Variants in RNF128 observed in about 807,000 individuals in gnomAD.
RNF128 encodes E3 ubiquitin-protein ligase RNF128.
A neutral mutation model predicts 26.2 loss-of-function variants in RNF128; 13 were observed. That is an observed-to-expected ratio of 0.50 (90% CI 0.32 to 0.79). RNF128 has a LOEUF of 0.79. Ranked by LOEUF, RNF128 falls within the 30% of genes least tolerant of loss-of-function variation. The pLI, the probability that RNF128 is intolerant of heterozygous loss-of-function variation, is 0.03. For synonymous variants in RNF128, 149 were observed against 142.5 expected, an observed-to-expected ratio of 1.05 and a Z score of -0.32; for missense variants, 315 against 349.7, an observed-to-expected ratio of 0.90 and a Z score of 0.79.
At chrX:106,761,530 A>C (rs112952199) in intron 1 of RNF128, among the ~76,000 whole-genome samples, 4,769 of 111,182 alleles carry the variant, frequency 0.043, 294 homozygotes, top group African/African-American at 0.15. Context: ...AATCCACCTA[A>C]ATGCCCATCA....
chrX:106,745,470 G>T (rs1188319362), intron 1 of RNF128, among the ~76,000 whole-genome samples: 1 of 111,622 alleles, frequency 9.0e-6, no homozygotes, highest in African/African-American at 3.2e-5. Flanking sequence ...CATTTGTGTG[G>T]CTATAAAGAA....
At chrX:106,724,125 G>C (rs1602368153), upstream of RNF128, among the ~76,000 whole-genome samples, 1 of 111,115 alleles carries the variant, frequency 9.0e-6, no homozygotes, top group African/African-American at 3.3e-5. Context: ...CCCTCCTCCT[G>C]TATTCCCTGA....
chrX:106,773,267 CAT>C (rs1010536809), intron 2 of RNF128, 107 bp downstream of exon 2: 6 of 775,724 alleles, frequency 7.7e-6, no homozygotes, highest in Non-Finnish European at 1.1e-5. Flanking sequence ...ATGATCTCCC[CAT>C]ATGTTTTACA....
At chrX:106,760,767 A>G (rs1479787802) in intron 1 of RNF128, among the ~76,000 whole-genome samples, 3 of 111,667 alleles carry the variant, frequency 2.7e-5, no homozygotes, top group African/African-American at 6.5e-5. Context: ...ATGAATGGAT[A>G]TAGAAAAAGT....
In RNF128 at chrX:106,765,836, T is replaced by C. The variant is rs956272368; in HGVS notation, c.485-7077T>C. Among the ~76,000 whole-genome samples, 30 of 110,763 alleles carry C rather than the reference T, an allele frequency of 2.7e-4. No homozygotes were observed. In the East Asian group the frequency reaches 3.4e-3, roughly 13 times the overall value. On this transcript the variant is annotated intron_variant, in intron 1 of 6. Transcript: ENST00000255499. The stretch of plus-strand genomic sequence containing the variant: ...CACCCATTAACTAACTCGTCATTTA[T>C]ATTAGGTTTATCTCCTAATGCTATC...
intron 1 of RNF128, among the ~76,000 whole-genome samples, chrX:106,709,230 A>C (rs866544511): frequency 1.4e-4 from 16 of 111,649 alleles, no homozygotes; most frequent in Middle Eastern, 4.2e-3. Context: ...GACAATGAAA[A>C]AAGTTATATC....
intron 1 of RNF128, among the ~76,000 whole-genome samples, chrX:106,709,438 C>A (rs769274092): frequency 6.2e-5 from 7 of 112,057 alleles, no homozygotes; most frequent in Non-Finnish European, 1.3e-4. Flanking sequence ...CTACTTTAGG[C>A]TTTCATTTCA....
At chrX:106,701,990 T>C (rs1928965536) in intron 1 of RNF128, among the ~76,000 whole-genome samples, 1 of 110,952 alleles carries the variant, frequency 9.0e-6, no homozygotes, top group Non-Finnish European at 1.9e-5. Context: ...TCAGCTATGC[T>C]TGGAATTCAT....
chrX:106,768,223 G>A (rs938120131), intron 1 of RNF128, among the ~76,000 whole-genome samples: 3 of 111,680 alleles, frequency 2.7e-5, no homozygotes, highest in Non-Finnish European at 5.6e-5. Context: ...GATGATGCTG[G>A]CCTCATAAAA....
rs1422170842 is a variant in RNF128 at position 106,790,985 on chromosome X, C to G, written c.985-81C>G. The G allele has an allele frequency of 1.4e-5, 13 of 899,330 alleles. No individual in the cohort carries two copies. The East Asian group carries it at 2.5e-4, about 17-fold the overall frequency. 74.1% of individuals were successfully genotyped at this position (899,330 alleles called of 1,213,427 possible). On this transcript the variant is annotated intron_variant, in intron 5 of 6. Coordinates refer to ENST00000255499, the MANE Select transcript of RNF128 (RefSeq NM_194463.2). ...AAGAAATATTGCTCCAATGAGTCAC[C>G]TATAAAGAAACTTTGAAGTGATATG...
intron 1 of RNF128, among the ~76,000 whole-genome samples, chrX:106,700,022 TATTTA>T (rs1156453635): frequency 9.6e-6 from 1 of 104,047 alleles, no homozygotes; most frequent in Admixed American, 9.9e-5. Flanking sequence ...TAAATTTATT[TATTTA>T]ATTTTTTTTT....
chrX:106,713,083 G>A (rs1929156451), intron 1 of RNF128, among the ~76,000 whole-genome samples: 2 of 107,973 alleles, frequency 1.9e-5, no homozygotes, highest in Non-Finnish European at 3.8e-5. Context: ...ATTTCACCAT[G>A]TTGGCCAGGC....
At chrX:106,782,970 G>T (rs1285014208) in intron 2 of RNF128, among the ~76,000 whole-genome samples, 1 of 111,905 alleles carries the variant, frequency 8.9e-6, no homozygotes, top group Non-Finnish European at 1.9e-5. Flanking sequence ...CAAAATAGAA[G>T]GGAAGATATT....
intron 1 of RNF128, among the ~76,000 whole-genome samples, chrX:106,745,122 A>G (rs1222756225): frequency 9.0e-6 from 1 of 111,258 alleles, no homozygotes; most frequent in East Asian, 2.8e-4. Context: ...TTTCCTGAGG[A>G]CTCCATCTAC....
At chrX:106,733,327 C>A (rs752291117) in intron 1 of RNF128, among the ~76,000 whole-genome samples, 1 of 111,186 alleles carries the variant, frequency 9.0e-6, no homozygotes, top group Non-Finnish European at 1.9e-5. Flanking sequence ...CTTTTCCCCC[C>A]TCAGTCCCTG....
intron 1 of RNF128, among the ~76,000 whole-genome samples, chrX:106,699,887 A>G (rs1163428767): frequency 9.0e-6 from 1 of 111,173 alleles, no homozygotes; most frequent in Non-Finnish European, 1.9e-5. Flanking sequence ...TACTCCATAT[A>G]CCAGTTTAAA....
At chrX:106,710,444 T>G (rs926540194) in intron 1 of RNF128, among the ~76,000 whole-genome samples, 1 of 111,918 alleles carries the variant, frequency 8.9e-6, no homozygotes, top group African/African-American at 3.2e-5. Flanking sequence ...ATTAAAACCT[T>G]TTGGAGTTTC....
intron 1 of RNF128, among the ~76,000 whole-genome samples, chrX:106,736,990 A>T: frequency 9.0e-6 from 1 of 111,403 alleles, no homozygotes; most frequent in Non-Finnish European, 1.9e-5. Context: ...TTATTATATT[A>T]TTCCCAACCA....
At chrX:106,765,977 T>C (rs1930225635) in intron 1 of RNF128, among the ~76,000 whole-genome samples, 1 of 108,921 alleles carries the variant, frequency 9.2e-6, no homozygotes, top group East Asian at 2.9e-4. Flanking sequence ...TGTTTGGTTT[T>C]CTGTCTTGGT....
Sources: allele counts gnomAD v4.1 joint callset (sites outside exome capture counted in the v4.1 genomes callset), GRCh38; gene constraint gnomAD v4.1.1; transcripts MANE v1.5; gene names NCBI Gene and HGNC (gene_info 2026-07-23, HGNC 2026-07-21).